The following GRIK2 variants were observed in gnomAD, a reference collection of about 807,000 sequenced individuals.
GRIK2 encodes glutamate ionotropic receptor kainate type subunit 2.
GRIK2 carries 32 observed loss-of-function variants against 100.3 expected under a neutral mutation model. The ratio of observed to expected loss-of-function variants is 0.32; its 90% CI spans 0.24 to 0.43. The LOEUF (loss-of-function observed/expected upper bound fraction) is 0.43, where lower values mean the gene tolerates loss of function less well. Among genes scored for constraint, GRIK2 ranks in the 20% least tolerant of loss-of-function variants. GRIK2 has a pLI of 1.00. For missense variants in GRIK2, 843 were observed against 1,114.9 expected, an observed-to-expected ratio of 0.76 and a Z score of 3.47; for synonymous variants, 417 against 389.4, an observed-to-expected ratio of 1.07 and a Z score of -0.83.
At chr6:101,493,799 T>A (rs1289550204) in intron 2 of GRIK2, among the ~76,000 whole-genome samples, 3 of 150,972 alleles carry the variant, frequency 2.0e-5, no homozygotes, top group Non-Finnish European at 4.4e-5. Context: ...TTCAGCCTAC[T>A]TAGCCCCTTT....
intron 2 of GRIK2, among the ~76,000 whole-genome samples, chr6:101,531,395 G>C (rs551990865): frequency 2.0e-5 from 3 of 151,816 alleles, no homozygotes; most frequent in Admixed American, 1.3e-4. Flanking sequence ...GATTATAGGC[G>C]CTCAAAATTG....
chr6:102,015,323 T>C (rs1795777213), intron 14 of GRIK2, among the ~76,000 whole-genome samples: 1 of 152,154 alleles, frequency 6.6e-6, no homozygotes. Flanking sequence ...TTTGAGCCAG[T>C]TACTGTGATT....
intron 10 of GRIK2, among the ~76,000 whole-genome samples, chr6:101,828,649 G>A (rs76684134): frequency 6.6e-6 from 1 of 151,732 alleles, no homozygotes; most frequent in Non-Finnish European, 1.5e-5. Flanking sequence ...CATCACTATG[G>A]ACACAAACTA....
chr6:101,412,526 G>C (rs908310568), intron 2 of GRIK2, among the ~76,000 whole-genome samples: 1 of 151,938 alleles, frequency 6.6e-6, no homozygotes, highest in African/African-American at 2.4e-5. Context: ...GAAATTTTAA[G>C]ATAAATATTG....
chr6:101,650,688 G>A (rs925052292), intron 4 of GRIK2, among the ~76,000 whole-genome samples: 1 of 152,086 alleles, frequency 6.6e-6, no homozygotes. Context: ...ATCAATGCCA[G>A]CATGATTTTT....
chr6:101,420,168 A>G (rs1203200418), intron 2 of GRIK2, among the ~76,000 whole-genome samples: 1 of 152,216 alleles, frequency 6.6e-6, no homozygotes. Context: ...TTTAGAGGTC[A>G]GAAAACTGAG....
At chr6:101,416,287 G>T (rs1274146258) in intron 2 of GRIK2, among the ~76,000 whole-genome samples, 1 of 152,146 alleles carries the variant, frequency 6.6e-6, no homozygotes, top group Non-Finnish European at 1.5e-5. Context: ...ACAATTGTAG[G>T]CTAGGCGTGA....
At chr6:101,910,839 C>CCACACACACACACACGCGCACACA (rs1788632436) in intron 12 of GRIK2, among the ~76,000 whole-genome samples, 1 of 143,266 alleles carries the variant, frequency 7.0e-6, no homozygotes, top group African/African-American at 2.7e-5. Context: ...CCAACATACA[C>CCACACACACACACACGCGCACACA]CACACACACA....
chr6:101,577,171 A>C (rs1018357791), intron 2 of GRIK2, among the ~76,000 whole-genome samples: 1 of 151,670 alleles, frequency 6.6e-6, no homozygotes, highest in Non-Finnish European at 1.5e-5. Flanking sequence ...ACAAAAAAAA[A>C]ACAACAACAT....
intron 1 of GRIK2, among the ~76,000 whole-genome samples, chr6:101,394,953 A>AG: frequency 6.6e-6 from 1 of 152,370 alleles, no homozygotes; most frequent in East Asian, 1.9e-4. Context: ...TTTAAAAAAA[A>AG]AAGTTCTGGG....
intron 16 of GRIK2, among the ~76,000 whole-genome samples, chr6:102,063,212 G>A (rs1447978822): frequency 6.6e-6 from 1 of 150,624 alleles, no homozygotes; most frequent in African/African-American, 2.4e-5. Context: ...AGTAGGATAA[G>A]TAGAAATTGT....
intron 14 of GRIK2, among the ~76,000 whole-genome samples, chr6:102,015,491 C>A (rs555540543): frequency 2.6e-5 from 4 of 152,158 alleles, no homozygotes; most frequent in Non-Finnish European, 5.9e-5. Flanking sequence ...CAGAGCCCTG[C>A]CCTACTGCTA....
intron 14 of GRIK2, among the ~76,000 whole-genome samples, chr6:101,951,936 T>C (rs1011947295): frequency 1.3e-5 from 2 of 152,190 alleles, no homozygotes; most frequent in Non-Finnish European, 2.9e-5. Context: ...AGTCCCACAA[T>C]GTAATATCAT....
chr6:101,976,890 C>T (rs1164884282), intron 14 of GRIK2, among the ~76,000 whole-genome samples: 1 of 151,002 alleles, frequency 6.6e-6, no homozygotes, highest in Non-Finnish European at 1.5e-5. Context: ...GAATGACTTA[C>T]TGAAGAGTGG....
At chr6:101,763,228 A>G (rs1777841005) in intron 7 of GRIK2, among the ~76,000 whole-genome samples, 1 of 152,218 alleles carries the variant, frequency 6.6e-6, no homozygotes, top group Non-Finnish European at 1.5e-5. Context: ...TGGTAAGAAC[A>G]TTCGAGTAGC....
intron 2 of GRIK2, among the ~76,000 whole-genome samples, chr6:101,534,327 C>T (rs192620290): frequency 1.5e-3 from 232 of 151,934 alleles, no homozygotes; most frequent in African/African-American, 5.3e-3. Flanking sequence ...TACAGAAAAG[C>T]TTCAGCCAAT....
intron 3 of GRIK2, among the ~76,000 whole-genome samples, chr6:101,625,143 G>T (rs1454775057): frequency 6.6e-6 from 1 of 152,072 alleles, no homozygotes; most frequent in African/African-American, 2.4e-5. Context: ...GGAGGCCGAG[G>T]CGGGTGGATC....
intron 7 of GRIK2, among the ~76,000 whole-genome samples, chr6:101,707,556 ATATATATG>A (rs530552125): frequency 0.049 from 5,964 of 122,746 alleles, 549 homozygotes; most frequent in African/African-American, 0.18. Flanking sequence ...ATATATGTGT[ATATATATG>A]TATATATGTG....
intron 2 of GRIK2, among the ~76,000 whole-genome samples, chr6:101,482,806 C>T (rs750102701): frequency 6.6e-6 from 1 of 152,070 alleles, no homozygotes; most frequent in African/African-American, 2.4e-5. Context: ...GTGGAAGCAA[C>T]ACCCTCCCAC....
Sources: allele counts gnomAD v4.1 joint callset (sites outside exome capture counted in the v4.1 genomes callset), GRCh38; gene constraint gnomAD v4.1.1; transcripts MANE v1.5; gene names NCBI Gene and HGNC (gene_info 2026-07-23, HGNC 2026-07-21).